ALB: variants seen among roughly 807,000 people sequenced by gnomAD.
ALB encodes the protein albumin.
In ALB, 37 loss-of-function variants were observed where a neutral mutation model predicts 74.5. That is an observed-to-expected ratio of 0.50 (90% CI 0.38 to 0.65). ALB has a LOEUF of 0.65. Among genes scored for constraint, ALB ranks in the 30% least tolerant of loss-of-function variants. ALB has a pLI of 0.00. For missense variants in ALB, 685 were observed against 718.7 expected (o/e 0.95, Z 0.54); for synonymous variants, 249 against 251.6 (o/e 0.99, Z 0.10).
chr4:73,410,389 A>G lies in ALB; in HGVS notation c.693A>G (p.Gly231=). ...RLKCASLQKF[G]ERAFKAWAVA... ...AGTGTGCCAGTCTCCAAAAATTTGG[A>G]GAAAGAGCTTTCAAAGCATGGTAAA... Residue 231 remains glycine, a synonymous_variant, in exon 6 of 15, where the codon GGA becomes GGG. Transcript: ENST00000295897. The G allele has an allele frequency of 3.1e-6, 5 of 1,612,852 alleles. No homozygotes were observed. The highest frequency in any genetic ancestry group is 3.4e-6 in the Non-Finnish European group (4 of 1,178,862).
At chr4:73,409,547 G>C in intron 5 of ALB, 60 bp downstream of exon 5, 3 of 1,611,054 alleles carry the variant, frequency 1.9e-6, no homozygotes, top group Non-Finnish European at 2.5e-6. Flanking sequence ...TGTCCATTTT[G>C]TGGCTAGATT....
chr4:73,420,314 C>T lies in ALB; in HGVS notation c.*16C>T. 1 of 1,602,982 alleles carries T rather than the reference C, an allele frequency of 6.2e-7. No homozygotes were observed. Among genetic ancestry groups the T allele is most frequent in the Non-Finnish European group, 8.5e-7 (1 of 1,170,984 alleles). Reference sequence around the variant, plus strand: ...AGGCTTATAACATCACATTTAAAAGCATCTCAGGTAACTATATTTTGAATT... The same window carrying T: ...AGGCTTATAACATCACATTTAAAAGTATCTCAGGTAACTATATTTTGAATT... On this transcript the variant is annotated 3_prime_UTR_variant, in exon 14 of 15. Coordinates refer to ENST00000295897, the MANE Select transcript of ALB (RefSeq NM_000477.7).
chr4:73,413,832 T>A (rs2051512), intron 8 of ALB, among the ~76,000 whole-genome samples, 198 bp downstream of exon 8: 7 of 152,022 alleles, frequency 4.6e-5, no homozygotes, highest in Non-Finnish European at 1.0e-4. Context: ...TACATGTTCA[T>A]GGCAAAGCTC....
chr4:73,408,973 C>G (rs1718800730), intron 4 of ALB, 168 bp downstream of exon 4: 5 of 635,968 alleles, frequency 7.9e-6, no homozygotes, highest in South Asian at 6.6e-5. Flanking sequence ...AAATTCTACA[C>G]AGCAAAAAAT....
rs745723464 is a variant in ALB, at chr4:73,415,148, A to C, written c.1172A>C (p.His391Pro). The C allele has an allele frequency of 6.2e-7, 1 of 1,614,180 alleles. No homozygotes were observed. ...LEKCCAAADPHECYAKVFDEF... is the reference protein window; with the variant it reads ...LEKCCAAADPPECYAKVFDEF... ...AAGTGCTGTGCCGCTGCAGATCCTC[A>C]TGAATGCTATGCCAAAGTGGTAGGT... is the stretch of plus-strand genomic sequence containing the variant. Residue 391 changes from histidine to proline, a missense_variant, in exon 9 of 15, where the codon CAT becomes CCT. His to Pro is a moderately conservative substitution (Grantham distance 77). Transcript: ENST00000295897.
chr4:73,405,239 C>A (rs983261740), intron 2 of ALB, 66 bp downstream of exon 2: 153 of 1,327,210 alleles, frequency 1.2e-4, no homozygotes, highest in Non-Finnish European at 1.6e-4. Flanking sequence ...TTCTAAAGTG[C>A]TTATATTTCC....
chr4:73,418,402 A>C, intron 12 of ALB, 91 bp downstream of exon 12: 1 of 1,144,848 alleles, frequency 8.7e-7, no homozygotes, highest in South Asian at 1.3e-5. Flanking sequence ...AGTAGTGATT[A>C]TATTTCTTAG....
Position 73,414,931 on chromosome 4 carries a change from T to G in ALB, c.1059-104T>G. ...CTAAGCTTTACTGCATGGGGTTTAG[T>G]CAAATTAAGACTTTTGGAATATGAG... On this transcript the variant is annotated intron_variant, in intron 8 of 14. Coordinates refer to ENST00000295897, the MANE Select transcript of ALB (RefSeq NM_000477.7). 3 of 1,451,302 alleles carry G rather than the reference T, an allele frequency of 2.1e-6. No individual in the cohort carries two copies. The South Asian group carries it at 3.5e-5, about 17-fold the overall frequency. The allele number at this position is 1,451,302 out of a possible 1,614,324, so 89.9% of individuals were successfully genotyped here. A position where few individuals can be genotyped will look rare whatever the true frequency, so the allele number is the denominator to read the frequency against.
Position 73,416,361 on chromosome 4 carries a change from A to G in ALB, c.1289+8A>G, listed in dbSNP as rs747218405. The G allele has an allele frequency of 1.3e-6, 2 of 1,597,438 alleles. No homozygotes were observed. The highest frequency in any genetic ancestry group is 1.7e-6 in the Non-Finnish European group (2 of 1,167,974). ...GTACAAATTCCAGAATGCGTAAGTA[A>G]TTTTTATTGACTGATTTTTTTTATC... On this transcript the variant is annotated splice_region_variant and intron_variant, in intron 10 of 14. Transcript: ENST00000295897.
chr4:73,410,555 A>G (rs1335800961), intron 6 of ALB, 146 bp downstream of exon 6: 1 of 633,846 alleles, frequency 1.6e-6, no homozygotes, highest in Non-Finnish European at 2.9e-6. Context: ...TAATAGAGGT[A>G]AAAATCAGAA....
In ALB at chr4:73,419,588, T is replaced by G. The variant is rs754428992; in HGVS notation, c.1734T>G (p.Phe578Leu). Residue 578 changes from phenylalanine (F) to leucine (L), a missense_variant, in exon 13 of 15, where the codon TTT becomes TTG. Physicochemically the swap from Phe to Leu is conservative, Grantham distance 22. Transcript: ENST00000295897. Reference sequence around the variant, plus strand: ...CTGTTATGGATGATTTCGCAGCTTTTGTAGAGAAGTGCTGCAAGGCTGACG... The same window carrying G: ...CTGTTATGGATGATTTCGCAGCTTTGGTAGAGAAGTGCTGCAAGGCTGACG... ...LKAVMDDFAA[F>L]VEKCCKADDK... The G allele has an allele frequency of 3.0e-5, 49 of 1,613,912 alleles. No homozygotes were observed. Among genetic ancestry groups the G allele is most frequent in the Non-Finnish European group, 3.6e-5 (43 of 1,179,962 alleles).
rs1037841995 is a variant in ALB at position 73,416,517 on chromosome 4, G to A, written c.1289+164G>A. ...AGAGGAGAGATAAAATAGTTGATGG[G>A]GTGGAGAGGTCTATATTTGAATGTA... On this transcript the variant is annotated intron_variant, in intron 10 of 14. Coordinates refer to ENST00000295897, the MANE Select transcript of ALB (RefSeq NM_000477.7). Among the ~76,000 whole-genome samples, 3 of 152,200 alleles carry A rather than the reference G, an allele frequency of 2.0e-5. No homozygotes were observed. The South Asian group carries it at 6.2e-4, about 32-fold the overall frequency.
rs759810057 is a variant in ALB, at chr4:73,418,314, G to A, written c.1652+3G>A. ...GAGAGACAAATCAAGAAACAAACGT[G>A]AGGAGTATTTCATTACTGCATGTGT... On this transcript the variant is annotated splice_donor_region_variant and intron_variant, in intron 12 of 14. Transcript: ENST00000295897. 6 of 1,610,206 alleles carry A rather than the reference G, an allele frequency of 3.7e-6. 1 individual carries two copies. In the Admixed American group the frequency reaches 1.0e-4, roughly 27 times the overall value.
chr4:73,409,280 A>G (rs1056218424), intron 4 of ALB, 75 bp from the exon 5 acceptor site: 39 of 1,511,628 alleles, frequency 2.6e-5, no homozygotes, highest in Non-Finnish European at 3.5e-5. Context: ...GGTTCTGGGG[A>G]GAATGTCGAT....
intron 2 of ALB, among the ~76,000 whole-genome samples, chr4:73,406,014 C>CACTTTGG (rs1718717504): frequency 6.6e-6 from 1 of 152,094 alleles, no homozygotes; most frequent in Non-Finnish European, 1.5e-5. Flanking sequence ...GTAATCCCAG[C>CACTTTGG]ACTTTGGAAG....
At position 73,408,726 on chromosome 4, in the gene ALB, A is replaced by C; in HGVS notation, c.403A>C (p.Asn135His). 6.2e-7 allele frequency: 1 copy of C among 1,614,020 alleles called. No homozygotes were observed. The highest frequency in any genetic ancestry group is 8.5e-7 in the Non-Finnish European group (1 of 1,179,932). ...CFLQHKDDNP[N>H]LPRLVRPEVD... ...CTTGCAACACAAAGATGACAACCCA[A>C]ACCTCCCCCGATTGGTGAGACCAGA... Residue 135 changes from asparagine to histidine, a missense_variant, in exon 4 of 15, where the codon AAC (asparagine) becomes CAC (histidine). By Grantham distance (68) the Asn-to-His change is moderately conservative. Transcript: ENST00000295897.
At chr4:73,412,358 C>G (rs1718899935) in intron 7 of ALB, 5 of 550,972 alleles carry the variant, frequency 9.1e-6, no homozygotes, top group Admixed American at 8.3e-5. Flanking sequence ...CAGTCATGCT[C>G]TAACTGTAAA....
intron 9 of ALB, 89 bp downstream of exon 9, chr4:73,415,256 T>C (rs1718985439): frequency 1.4e-6 from 2 of 1,456,688 alleles, no homozygotes; most frequent in South Asian, 2.3e-5. Context: ...TAAAATGATA[T>C]ACAGTGCAAT....
At chr4:73,412,778 G>T (rs1231525936) in intron 7 of ALB, among the ~76,000 whole-genome samples, 2 of 152,158 alleles carry the variant, frequency 1.3e-5, no homozygotes, top group East Asian at 3.8e-4. Context: ...AGGTGGACTT[G>T]GAGAAGGTCA....
Sources: gnomAD v4.1 joint callset for allele counts (sites outside exome capture counted in the v4.1 genomes callset) on GRCh38, gnomAD v4.1.1 for gene constraint, MANE v1.5 for transcripts, NCBI Gene and HGNC (gene_info 2026-07-23, HGNC 2026-07-21) for gene names.